The following C10orf90 variants were observed in gnomAD, a reference collection of about 807,000 sequenced individuals.
C10orf90 encodes chromosome 10 open reading frame 90.
Under a neutral mutation model 62.5 loss-of-function variants are expected in C10orf90, and 56 were observed. The observed-to-expected ratio is 0.90, with a 90% CI of 0.72 to 1.12. The LOEUF is 1.12. Among genes scored for constraint, C10orf90 ranks in the 50% most tolerant of loss-of-function variants. The pLI, the probability that C10orf90 is intolerant of heterozygous loss-of-function variation, is 0.00. For synonymous variants in C10orf90, 386 were observed against 340.4 expected (o/e 1.13, Z -1.47); for missense variants, 970 against 880.4 (o/e 1.10, Z -1.29).
chr10:126,440,372 G>C (rs1186121614), intron 7 of C10orf90, among the ~76,000 whole-genome samples: 1 of 152,112 alleles, frequency 6.6e-6, no homozygotes, highest in East Asian at 1.9e-4. Flanking sequence ...ATCCGCCACA[G>C]CAGCCGCAGC....
At chr10:126,472,449 C>G (rs1466839308) in intron 4 of C10orf90, among the ~76,000 whole-genome samples, 1 of 152,096 alleles carries the variant, frequency 6.6e-6, no homozygotes, top group East Asian at 1.9e-4. Flanking sequence ...GCTTGTAACT[C>G]AAGTGGGTCA....
At chr10:126,483,364 T>G (rs1392701923) in intron 4 of C10orf90, among the ~76,000 whole-genome samples, 2 of 152,236 alleles carry the variant, frequency 1.3e-5, no homozygotes, top group African/African-American at 2.4e-5. Context: ...GTTTTGTGCT[T>G]TAAGTTTTAT....
At chr10:126,544,123 G>C (rs1864436990) in intron 2 of C10orf90, among the ~76,000 whole-genome samples, 1 of 152,136 alleles carries the variant, frequency 6.6e-6, no homozygotes, top group Non-Finnish European at 1.5e-5. Context: ...TTTTAATATT[G>C]TCAACTAACT....
At chr10:126,640,435 A>G (rs1846037578) in intron 2 of C10orf90, among the ~76,000 whole-genome samples, 2 of 152,250 alleles carry the variant, frequency 1.3e-5, no homozygotes, top group African/African-American at 4.8e-5. Flanking sequence ...GCTTCTTCAT[A>G]CAAATGATGC....
intron 2 of C10orf90, among the ~76,000 whole-genome samples, chr10:126,568,245 C>T (rs143919937): frequency 2.8e-3 from 432 of 152,310 alleles, no homozygotes; most frequent in South Asian, 4.8e-3. Flanking sequence ...CAGAGTCACA[C>T]AAGGCTGGAA....
chr10:126,642,989 T>C (rs1224868312), intron 2 of C10orf90, among the ~76,000 whole-genome samples: 1 of 152,152 alleles, frequency 6.6e-6, no homozygotes, highest in Non-Finnish European at 1.5e-5. Context: ...TTGACTAATT[T>C]CTAGGGCTCC....
chr10:126,554,044 C>T (rs1053594418), intron 2 of C10orf90, among the ~76,000 whole-genome samples: 1 of 151,914 alleles, frequency 6.6e-6, no homozygotes, highest in Admixed American at 6.6e-5. Context: ...TTAACATGTC[C>T]ACCGAAGACA....
At chr10:126,465,980 C>T (rs572445496) in intron 4 of C10orf90, among the ~76,000 whole-genome samples, 1 of 152,160 alleles carries the variant, frequency 6.6e-6, no homozygotes, top group African/African-American at 2.4e-5. Context: ...CAATGTAACA[C>T]TAGGAATTGG....
At chr10:126,477,379 T>C (rs1860947982) in intron 4 of C10orf90, among the ~76,000 whole-genome samples, 1 of 151,950 alleles carries the variant, frequency 6.6e-6, no homozygotes, top group Non-Finnish European at 1.5e-5. Flanking sequence ...CCCAGTCAAA[T>C]TTTCCCAAAG....
chr10:126,453,131 T>A lies in C10orf90; in HGVS notation c.2188+5909A>T, dbSNP rs771670274. Among the ~76,000 whole-genome samples the A allele has an allele frequency of 2.6e-5, 4 of 152,186 alleles. No homozygotes were observed. The highest frequency in any genetic ancestry group is 4.4e-5 in the Non-Finnish European group (3 of 68,038). On this transcript the variant is annotated intron_variant, in intron 7 of 9. Coordinates refer to ENST00000488181, the MANE Select transcript of C10orf90 (RefSeq NM_001350921.2). This position sits in a 1 kb window ranked among gnomAD's most constrained non-coding sequence, Gnocchi z 4.9. ...AAAGAAGATTTGTTGGAGAAGGAAT[T>A]CTGCCGTGCCTTCCAGAGAATTCCA...
In C10orf90 at chr10:126,632,739, G is replaced by A. The variant is rs185159199; in HGVS notation, c.313+13826C>T. ...GGTCTGTATTTCCACCTCTAGATTC[G>A]GAGTTGTGCCATTATATTTACTTTG... On this transcript the variant is annotated intron_variant, in intron 2 of 9. Transcript: ENST00000488181. Among the ~76,000 whole-genome samples, 327 of 152,100 alleles carry A rather than the reference G, an allele frequency of 2.1e-3. 1 individual carries two copies. Among genetic ancestry groups the A allele is most frequent in the Non-Finnish European group, 3.7e-3 (249 of 67,992 alleles).
intron 2 of C10orf90, among the ~76,000 whole-genome samples, chr10:126,638,961 G>C (rs926467610): frequency 2.6e-5 from 4 of 152,252 alleles, no homozygotes; most frequent in African/African-American, 7.2e-5. Flanking sequence ...CCAGGGTGAA[G>C]AGGAGGCCAT....
chr10:126,537,203 T>C (rs1158180229), intron 2 of C10orf90, among the ~76,000 whole-genome samples: 3 of 152,128 alleles, frequency 2.0e-5, no homozygotes, highest in Non-Finnish European at 4.4e-5. Context: ...ACAAAGGAAA[T>C]GGCTACCATG....
At chr10:126,664,107 G>C (rs1160430955) in intron 1 of C10orf90, among the ~76,000 whole-genome samples, 1 of 152,164 alleles carries the variant, frequency 6.6e-6, no homozygotes, top group East Asian at 1.9e-4. Flanking sequence ...AATGAAAACT[G>C]TGCATTCAGG....
Position 126,612,089 on chromosome 10 carries a change from G to A in C10orf90, c.313+34476C>T, listed in dbSNP as rs146962474. ...TAATCCCAGCACTTTGGGAGGCTGC[G>A]GCGGACAGATCACTTGAAGTCAGGA... On this transcript the variant is annotated intron_variant, in intron 2 of 9. Coordinates refer to ENST00000488181, the MANE Select transcript of C10orf90 (RefSeq NM_001350921.2). Among the ~76,000 whole-genome samples the A allele has an allele frequency of 4.2e-3, 637 of 152,298 alleles. 22 individuals are homozygous for A. The East Asian group carries it at 0.082, about 20-fold the overall frequency.
chr10:126,478,741 G>A (rs1861023669), intron 4 of C10orf90, among the ~76,000 whole-genome samples: 1 of 152,042 alleles, frequency 6.6e-6, no homozygotes, highest in South Asian at 2.1e-4. Context: ...AGCGTGCTGG[G>A]GGAGGAGGTT....
intron 2 of C10orf90, among the ~76,000 whole-genome samples, chr10:126,574,464 TA>T (rs1403124300): frequency 6.6e-6 from 1 of 151,964 alleles, no homozygotes; most frequent in Non-Finnish European, 1.5e-5. Flanking sequence ...AATAATTTCA[TA>T]AGATGGAAAA....
Position 126,580,652 on chromosome 10 carries a change from C to CAAA in C10orf90, c.313+65910_313+65912dup, listed in dbSNP as rs58927719. Among the ~76,000 whole-genome samples, 1,144 of 134,914 alleles carry CAAA rather than the reference C, an allele frequency of 8.5e-3. 10 individuals are homozygous for CAAA. Among genetic ancestry groups the CAAA allele is most frequent in the Non-Finnish European group, 0.013 (833 of 63,182 alleles). The allele number at this position is 134,914 out of a possible 152,430, so 88.5% of individuals were successfully genotyped here. ...TGGGCAACAGAGCGAGGCTCTGTCT[C>CAAA]AAAAAAAAAAAAAAAGACATTAAGA... On this transcript the variant is annotated intron_variant, in intron 2 of 9. Transcript: ENST00000488181.
At chr10:126,520,345 G>T (rs2886752) in intron 2 of C10orf90, 1 of 2,510 alleles carries the variant, frequency 4.0e-4, no homozygotes, top group Non-Finnish European at 6.2e-4. Context: ...CAAATGCAAG[G>T]GATTCGTTTC....
Sources: allele counts gnomAD v4.1 joint callset (sites outside exome capture counted in the v4.1 genomes callset), GRCh38; gene constraint gnomAD v4.1.1; non-coding constraint Gnocchi (gnomAD v3.1); transcripts MANE v1.5; gene names NCBI Gene and HGNC (gene_info 2026-07-23, HGNC 2026-07-21).